Variants in AASDHPPT observed in about 807,000 individuals in gnomAD.
AASDHPPT encodes the protein L-aminoadipate-semialdehyde dehydrogenase-phosphopantetheinyl transferase.
AASDHPPT carries 23 observed loss-of-function variants against 36.4 expected under a neutral mutation model. That is an observed-to-expected ratio of 0.63 (90% CI 0.45 to 0.89). The LOEUF (loss-of-function observed/expected upper bound fraction) is 0.89. AASDHPPT is among the 40% of genes least tolerant of loss of function. The probability of loss-of-function intolerance (pLI) is 0.00; values close to 1 mark genes in which losing one functional copy is unlikely to be tolerated. For missense variants in AASDHPPT, 377 were observed against 378.2 expected (o/e 1.00, Z 0.03); for synonymous variants, 115 against 128.0 (o/e 0.90, Z 0.68).
intron 2 of AASDHPPT, 100 bp downstream of exon 2, chr11:106,079,792 C>A: frequency 9.5e-7 from 1 of 1,056,562 alleles, no homozygotes; most frequent in Non-Finnish European, 1.4e-6. Flanking sequence ...AGAGATATTT[C>A]AGTTTAGGGA....
chr11:106,083,878 CAGAATTTATCAA>C, intron 2 of AASDHPPT, among the ~76,000 whole-genome samples: 1 of 151,996 alleles, frequency 6.6e-6, no homozygotes, highest in East Asian at 1.9e-4. Context: ...AGACAGAGTT[CAGAATTTATCAA>C]AGAATGGATA....
At chr11:106,095,130 A>C (rs1861300267) in intron 5 of AASDHPPT, among the ~76,000 whole-genome samples, 1 of 152,218 alleles carries the variant, frequency 6.6e-6, no homozygotes, top group Admixed American at 6.5e-5. Context: ...GTCTCAAAAA[A>C]AAGAAATGTT....
At chr11:106,090,788 A>T (rs1365473823) in intron 3 of AASDHPPT, 110 bp downstream of exon 3, 1 of 1,381,484 alleles carries the variant, frequency 7.2e-7, no homozygotes, top group South Asian at 1.5e-5. Flanking sequence ...CTTGAAGTAA[A>T]TGGGTGATTG....
At chr11:106,082,596 T>C (rs1221719716) in intron 2 of AASDHPPT, among the ~76,000 whole-genome samples, 1 of 151,964 alleles carries the variant, frequency 6.6e-6, no homozygotes, top group Non-Finnish European at 1.5e-5. Flanking sequence ...ACTCAGAGAG[T>C]CTTTTTCTTT....
intron 2 of AASDHPPT, among the ~76,000 whole-genome samples, chr11:106,083,829 C>T (rs536345316): frequency 6.6e-6 from 1 of 151,986 alleles, no homozygotes; most frequent in South Asian, 2.1e-4. Context: ...ACTATGATGT[C>T]GAGTTGCAGT....
intron 3 of AASDHPPT, 105 bp from the exon 4 acceptor site, chr11:106,091,211 C>A: frequency 1.1e-6 from 1 of 918,478 alleles, no homozygotes; most frequent in Non-Finnish European, 1.6e-6. Context: ...GCTATATAGC[C>A]ATAATGTAGT....
intron 2 of AASDHPPT, among the ~76,000 whole-genome samples, chr11:106,081,377 T>G (rs1861139307): frequency 6.6e-6 from 1 of 152,182 alleles, no homozygotes; most frequent in African/African-American, 2.4e-5. Context: ...TTCCAGGAAT[T>G]TTGTTTACCT....
chr11:106,086,995 C>T (rs557994036), intron 2 of AASDHPPT, among the ~76,000 whole-genome samples: 2 of 152,288 alleles, frequency 1.3e-5, no homozygotes, highest in Admixed American at 1.3e-4. Context: ...GGATAACATT[C>T]GCAGCCCAGT....
At chr11:106,095,681 G>A (rs947061239) in intron 5 of AASDHPPT, 1 of 152,146 alleles carries the variant, frequency 6.6e-6, no homozygotes, top group Non-Finnish European at 1.5e-5. Flanking sequence ...TTCCACAAAA[G>A]TAGCTCAGGC....
intron 2 of AASDHPPT, 21 bp from the exon 3 acceptor site, chr11:106,090,536 T>C (rs758488402): frequency 6.4e-7 from 1 of 1,551,934 alleles, no homozygotes; most frequent in East Asian, 2.3e-5. Flanking sequence ...GCTATTTAAT[T>C]TTTTATTTCT....
chr11:106,080,669 A>G (rs1385041606), intron 2 of AASDHPPT, among the ~76,000 whole-genome samples: 3 of 152,210 alleles, frequency 2.0e-5, no homozygotes, highest in Non-Finnish European at 2.9e-5. Context: ...ATATACTGCT[A>G]TTTTTAAAGA....
intron 3 of AASDHPPT, 33 bp downstream of exon 3, chr11:106,090,711 C>T (rs541022741): frequency 4.5e-5 from 70 of 1,565,686 alleles, no homozygotes; most frequent in Non-Finnish European, 5.6e-5. Flanking sequence ...AAGCAAAAGT[C>T]TATAATGATT....
chr11:106,096,234 G>A (rs1162137187), intron 5 of AASDHPPT, among the ~76,000 whole-genome samples: 1 of 152,074 alleles, frequency 6.6e-6, no homozygotes, highest in Non-Finnish European at 1.5e-5. Context: ...GGGTTCAATT[G>A]TGAACAAGGG....
At position 106,077,754 on chromosome 11, in the gene AASDHPPT, AG is replaced by A; in HGVS notation, c.47del (p.Gly16AlafsTer50). 1 of 1,613,984 alleles carries A rather than the reference AG, an allele frequency of 6.2e-7. No homozygotes were observed. Among genetic ancestry groups the A allele is most frequent in the Non-Finnish European group, 8.5e-7 (1 of 1,179,974 alleles). ...AKRFCLVPSM[E>X]GVRWAFSCGT... is the part of the protein sequence containing the mutation. ...CGGTTCTGCTTGGTGCCATCCATGG[AG>A]GGCGTGCGCTGGGCCTTTTCCTGCG... On this transcript the variant is annotated frameshift_variant, in exon 1 of 6. Transcript: ENST00000278618. LOFTEE classifies it high-confidence loss of function.
At chr11:106,089,921 C>T (rs532928875) in intron 2 of AASDHPPT, among the ~76,000 whole-genome samples, 4 of 151,980 alleles carry the variant, frequency 2.6e-5, no homozygotes, top group Admixed American at 6.5e-5. Context: ...ACTGCAACCA[C>T]GAAAGAGTAA....
At position 106,086,844 on chromosome 11, in the gene AASDHPPT, C is replaced by G. The variant is rs943294051; in HGVS notation, c.410-3713C>G. On this transcript the variant is annotated intron_variant, in intron 2 of 5. Transcript: ENST00000278618. Reference sequence around the variant, plus strand: ...GACATTCCCATTCCAAAAAGAAGTTCGAAGTAAAAAGGGGTCATTGTTCTC... The same window carrying G: ...GACATTCCCATTCCAAAAAGAAGTTGGAAGTAAAAAGGGGTCATTGTTCTC... Among the ~76,000 whole-genome samples, 4 of 152,062 alleles carry G rather than the reference C, an allele frequency of 2.6e-5. No individual in the cohort carries two copies. In the East Asian group the frequency reaches 7.7e-4, roughly 29 times the overall value.
intron 2 of AASDHPPT, among the ~76,000 whole-genome samples, chr11:106,089,009 T>C (rs1019009510): frequency 6.6e-6 from 1 of 152,030 alleles, no homozygotes; most frequent in Admixed American, 6.6e-5. Flanking sequence ...CTTGAGATGA[T>C]TGTGGGAAAG....
At position 106,091,334 on chromosome 11, in the gene AASDHPPT, A is replaced by G; in HGVS notation, c.550A>G (p.Ile184Val). ...ATCTTAGGCACTTAAGGAAAGCTTC[A>G]TAAAAGCCATTGGTGTTGGACTAGG... ...YRNWALKESF[I>V]KAIGVGLGFE... The change falls in exon 4 of 6, where the codon ATA becomes GTA. Residue 184 changes from isoleucine (I) to valine (V), a missense_variant. Ile to Val is a conservative substitution (Grantham distance 29). Coordinates refer to ENST00000278618, the MANE Select transcript of AASDHPPT (RefSeq NM_015423.3). 1 of 1,597,054 alleles carries G rather than the reference A, an allele frequency of 6.3e-7. No individual in the cohort carries two copies. The highest frequency in any genetic ancestry group is 1.1e-5 in the South Asian group (1 of 87,108).
intron 4 of AASDHPPT, chr11:106,092,897 C>A (rs563662055): frequency 6.6e-6 from 1 of 152,246 alleles, no homozygotes; most frequent in African/African-American, 2.4e-5. Flanking sequence ...GTAGGCTATG[C>A]TATGCTATGA....
Sources: gnomAD v4.1 joint callset for allele counts (sites outside exome capture counted in the v4.1 genomes callset) on GRCh38, gnomAD v4.1.1 for gene constraint, MANE v1.5 for transcripts, NCBI Gene and HGNC (gene_info 2026-07-23, HGNC 2026-07-21) for gene names.